Variants in MRC1 observed in about 807,000 individuals in gnomAD.
MRC1 encodes the protein mannose receptor C-type 1.
A neutral mutation model predicts 102.9 loss-of-function variants in MRC1; 62 were observed. The observed-to-expected ratio is 0.60, with a 90% CI of 0.49 to 0.74. The LOEUF (loss-of-function observed/expected upper bound fraction) is 0.74. Ranked by LOEUF, MRC1 falls within the 30% of genes least tolerant of loss-of-function variation. MRC1 has a pLI of 0.00. For synonymous variants in MRC1, 457 were observed against 298.4 expected (o/e 1.53, Z -5.48); for missense variants, 1,237 against 862.8 (o/e 1.43, Z -5.43).
At position 17,810,357 on chromosome 10, in the gene MRC1, A is replaced by G. The variant is rs1462149517; in HGVS notation, c.61+831A>G. Among the ~76,000 whole-genome samples, 7 of 152,278 alleles carry G rather than the reference A, an allele frequency of 4.6e-5. No individual in the cohort carries two copies. In the South Asian group the frequency reaches 1.0e-3, roughly 23 times the overall value. On this transcript the variant is annotated intron_variant, in intron 1 of 29. Transcript: ENST00000569591. ...TGATTTCTGATCCCCCTTTAATTCT[A>G]TGAAATCAACAAACACTTGCAGAGA... is the stretch of plus-strand genomic sequence containing the variant.
At chr10:17,909,398 G>A (rs1430626128) in intron 29 of MRC1, 51 bp downstream of exon 29, 18 of 831,664 alleles carry the variant, frequency 2.2e-5, no homozygotes, top group African/African-American at 1.8e-4. Flanking sequence ...CATCCGTACT[G>A]TTTGTTTTAA....
intron 22 of MRC1, among the ~76,000 whole-genome samples, chr10:17,886,903 A>G (rs1461411305): frequency 1.3e-5 from 2 of 152,210 alleles, no homozygotes; most frequent in Non-Finnish European, 2.9e-5. Flanking sequence ...AAAGGTGGGA[A>G]ATAGAATTTA....
intron 26 of MRC1, among the ~76,000 whole-genome samples, chr10:17,905,093 G>A (rs1833878559): frequency 6.6e-6 from 1 of 152,174 alleles, no homozygotes; most frequent in Admixed American, 6.5e-5. Context: ...GGAACTGTAA[G>A]ACAGGTCAAG....
At chr10:17,829,608 A>G (rs1838538408) in intron 3 of MRC1, among the ~76,000 whole-genome samples, 1 of 151,540 alleles carries the variant, frequency 6.6e-6, no homozygotes, top group Admixed American at 6.6e-5. Flanking sequence ...CACATTGAGC[A>G]ATTTTTTTCT....
intron 26 of MRC1, among the ~76,000 whole-genome samples, chr10:17,906,400 T>A (rs1206831437): frequency 1.3e-5 from 2 of 151,994 alleles, no homozygotes; most frequent in Non-Finnish European, 2.9e-5. Context: ...TTCCTCTTTG[T>A]CTTTCCTCTT....
chr10:17,891,504 G>C (rs1315864243), intron 22 of MRC1, among the ~76,000 whole-genome samples: 1 of 152,070 alleles, frequency 6.6e-6, no homozygotes, highest in Non-Finnish European at 1.5e-5. Flanking sequence ...AATAATAACA[G>C]CAGTAAAGTG....
chr10:17,910,071 GT>G, intron 29 of MRC1, 143 bp from the exon 30 acceptor site: 1 of 725,034 alleles, frequency 1.4e-6, no homozygotes, highest in Non-Finnish European at 2.5e-6. Flanking sequence ...AGGGACTCTT[GT>G]TTTCACATCT....
intron 22 of MRC1, among the ~76,000 whole-genome samples, chr10:17,891,240 C>T (rs1187625221): frequency 1.3e-5 from 2 of 151,710 alleles, no homozygotes; most frequent in South Asian, 4.2e-4. Context: ...GATCTCGGCT[C>T]ACTACAAGCA....
At chr10:17,853,444 G>A (rs1833015192) in intron 8 of MRC1, among the ~76,000 whole-genome samples, 1 of 151,490 alleles carries the variant, frequency 6.6e-6, no homozygotes, top group Non-Finnish European at 1.5e-5. Flanking sequence ...TTATAATGGT[G>A]TATATATATA....
At chr10:17,873,493 A>ATT (rs1447220073) in intron 15 of MRC1, among the ~76,000 whole-genome samples, 9 of 146,504 alleles carry the variant, frequency 6.1e-5, no homozygotes, top group African/African-American at 1.2e-4. Flanking sequence ...AAAACTCATG[A>ATT]TCTTTTTTTT....
At chr10:17,885,613 A>T (rs916457926) in intron 22 of MRC1, among the ~76,000 whole-genome samples, 178 bp downstream of exon 22, 123 of 152,148 alleles carry the variant, frequency 8.1e-4, no homozygotes, top group Non-Finnish European at 6.3e-4. Flanking sequence ...AAATTCAGTT[A>T]AAAAATCTTT....
intron 21 of MRC1, among the ~76,000 whole-genome samples, chr10:17,883,201 C>T (rs1420850623): frequency 1.3e-5 from 2 of 152,154 alleles, no homozygotes; most frequent in African/African-American, 4.8e-5. Context: ...GATTATAGCT[C>T]GCTGCAGCCT....
At chr10:17,845,456 G>C in intron 6 of MRC1, 21 bp downstream of exon 6, 1 of 780,752 alleles carries the variant, frequency 1.3e-6, no homozygotes, top group Non-Finnish European at 2.4e-6. Context: ...TATGGGATCT[G>C]AAGTGCCTCA....
In MRC1 at chr10:17,856,319, A is replaced by G; in HGVS notation, c.1485A>G (p.Pro495=). The G allele has an allele frequency of 1.2e-6, 1 of 860,452 alleles. No individual in the cohort carries two copies. 53.3% of individuals were successfully genotyped at this position (860,452 alleles called of 1,614,324 possible). The change falls in exon 9 of 30, where the codon CCA becomes CCG. Residue 495 remains proline, a synonymous_variant. Transcript: ENST00000569591. Reference sequence around the variant, plus strand: ...AGATGAAATCACGAAGCCAAGGTCCAGAAATAGTGGAAGTCGAAAAAGGCT... The same window carrying G: ...AGATGAAATCACGAAGCCAAGGTCCGGAAATAGTGGAAGTCGAAAAAGGCT... The part of the protein sequence containing the change: ...ICKMKSRSQG[P]EIVEVEKGCR...
chr10:17,857,338 A>G (rs994014382), intron 9 of MRC1, among the ~76,000 whole-genome samples: 6 of 152,206 alleles, frequency 3.9e-5, no homozygotes, highest in Admixed American at 3.9e-4. Context: ...CAGTTCCAGC[A>G]TACGTTCATA....
intron 22 of MRC1, among the ~76,000 whole-genome samples, chr10:17,890,618 T>G (rs929485554): frequency 6.6e-6 from 1 of 152,254 alleles, no homozygotes; most frequent in Non-Finnish European, 1.5e-5. Flanking sequence ...GTTGTTTAAA[T>G]TTTTGATAAT....
intron 6 of MRC1, among the ~76,000 whole-genome samples, chr10:17,846,701 T>A (rs4747330): frequency 0.13 from 20,466 of 152,214 alleles, 1,434 homozygotes; most frequent in Middle Eastern, 0.19. Flanking sequence ...GTTTTTATCC[T>A]AAGTTTTCCA....
Position 17,877,835 on chromosome 10 carries a change from T to G in MRC1, c.2551-65T>G, listed in dbSNP as rs1833457964. The G allele has an allele frequency of 5.8e-6, 5 of 869,442 alleles. No homozygotes were observed. The Admixed American group carries it at 8.5e-5, about 15-fold the overall frequency. 53.9% of individuals were successfully genotyped at this position (869,442 alleles called of 1,614,324 possible). A position where few individuals can be genotyped will look rare whatever the true frequency, so the allele number is the denominator to read the frequency against. On this transcript the variant is annotated intron_variant, in intron 17 of 29. Transcript: ENST00000569591. ...TAGGCTGCCTCATTAACATGTATGT[T>G]TTGTTTAAGAACTTCCTGATTGTGT...
chr10:17,878,793 G>A (rs1488046406), intron 18 of MRC1, among the ~76,000 whole-genome samples: 2 of 152,072 alleles, frequency 1.3e-5, no homozygotes, highest in Admixed American at 6.5e-5. Context: ...CTCCCAAGTA[G>A]CTGGGATGAC....
Sources: gnomAD v4.1 joint callset for allele counts (sites outside exome capture counted in the v4.1 genomes callset) on GRCh38, gnomAD v4.1.1 for gene constraint, MANE v1.5 for transcripts, NCBI Gene and HGNC (gene_info 2026-07-23, HGNC 2026-07-21) for gene names.